The following GABRE variants were observed in gnomAD, a reference collection of about 807,000 sequenced individuals.
GABRE encodes gamma-aminobutyric acid receptor subunit epsilon.
Under a neutral mutation model 31.0 loss-of-function variants are expected in GABRE, and 20 were observed. The ratio of observed to expected loss-of-function variants is 0.64; its 90% CI spans 0.45 to 0.94. The LOEUF (loss-of-function observed/expected upper bound fraction) is 0.94, where lower values mean the gene tolerates loss of function less well. Ranked by LOEUF, GABRE falls within the 40% of genes least tolerant of loss-of-function variation. GABRE has a pLI of 0.00. For missense variants in GABRE, 420 were observed against 410.7 expected (o/e 1.02, Z -0.20); for synonymous variants, 155 against 150.6 (o/e 1.03, Z -0.21).
At position 151,955,855 on chromosome X, in the gene GABRE, A is replaced by T. The variant is rs768399958; in HGVS notation, c.790T>A (p.Phe264Ile). The part of the protein sequence containing the change: ...TEIITTPVGD[F>I]MVMTIFFNVS... ...TTGAAGAAAATCGTCATGACCATGA[A>T]GTCACCTGAAAGACACAAAAAACAT... Residue 264 changes from phenylalanine (F) to isoleucine (I), a missense_variant, in exon 7 of 9, where the codon TTC (phenylalanine) becomes ATC (isoleucine). Phe to Ile is a conservative substitution (Grantham distance 21). Coordinates refer to ENST00000370328, the MANE Select transcript of GABRE (RefSeq NM_004961.4). The T allele has an allele frequency of 2.5e-6, 3 of 1,211,906 alleles. No individual in the cohort carries two copies. The highest frequency in any genetic ancestry group is 3.4e-6 in the Non-Finnish European group (3 of 895,422).
Position 151,954,691 on chromosome X carries a change from C to T in GABRE, c.*10G>A. 1 of 1,175,123 alleles carries T rather than the reference C, an allele frequency of 8.5e-7. No individual in the cohort carries two copies. Among genetic ancestry groups the T allele is most frequent in the African/African-American group, 1.8e-5 (1 of 56,722 alleles). ...CTGGAGAGGTTGCCCCACAGGGTAC[C>T]AGCTGGTACCTACAAGTTAAGGCAA... is the stretch of plus-strand genomic sequence containing the variant. On this transcript the variant is annotated 3_prime_UTR_variant, in exon 9 of 9. Transcript: ENST00000370328.
At chrX:151,973,954 GGGAACC>G (rs1934806451) in intron 1 of GABRE, among the ~76,000 whole-genome samples, 1 of 111,131 alleles carries the variant, frequency 9.0e-6, no homozygotes, top group Non-Finnish European at 1.9e-5. Context: ...TAGCTGGTGC[GGGAACC>G]CTTAGACTAA....
In GABRE at chrX:151,970,342, G is replaced by A. The variant is rs751804096; in HGVS notation, c.117C>T (p.Gly39=). ...GATTTTCCAGAGGCTGGGGCTGGGG[G>A]CCATAGACAACATCACGGGAAGAGG... is the stretch of plus-strand genomic sequence containing the variant. ...NEASSRDVVY[G]PQPQPLENQL... The change falls in exon 2 of 9, where the codon GGC becomes GGT. Residue 39 remains glycine (G), a synonymous_variant. Transcript: ENST00000370328. 4 of 1,211,506 alleles carry A rather than the reference G, an allele frequency of 3.3e-6. No individual in the cohort carries two copies. Among genetic ancestry groups the A allele is most frequent in the Non-Finnish European group, 4.5e-6 (4 of 895,409 alleles).
chrX:151,959,886 T>C lies in GABRE; in HGVS notation c.737A>G (p.Asp246Gly). ...EKNSWKLFQF[D>G]FTGVSNKTEI... ...AGTTTTGTTGCTCACTCCTGTAAAA[T>C]CAAACTGGAAGAGCTTCCAGGAGTT... The change falls in exon 6 of 9, where the codon GAT (aspartate) becomes GGT (glycine). Residue 246 changes from aspartate (D) to glycine (G), a missense_variant. Physicochemically the swap from Asp to Gly is moderately conservative, Grantham distance 94 (BLOSUM62 -1). Coordinates refer to ENST00000370328, the MANE Select transcript of GABRE (RefSeq NM_004961.4). The C allele has an allele frequency of 8.3e-7, 1 of 1,210,705 alleles. No individual in the cohort carries two copies. The highest frequency in any genetic ancestry group is 1.8e-5 in the South Asian group (1 of 56,928).
intron 4 of GABRE, among the ~76,000 whole-genome samples, chrX:151,961,707 G>C (rs895527172): frequency 1.8e-5 from 2 of 111,478 alleles, no homozygotes; most frequent in Non-Finnish European, 3.8e-5. Flanking sequence ...TGATCTGCCT[G>C]CCTCAGCCTC....
At chrX:151,955,661 C>T in intron 7 of GABRE, 47 bp downstream of exon 7, 2 of 1,207,113 alleles carry the variant, frequency 1.7e-6, no homozygotes, top group Non-Finnish European at 2.2e-6. Context: ...CCTGGCCCAG[C>T]CAACTCCCAG....
At chrX:151,972,137 G>T in intron 1 of GABRE, 1 of 752,835 alleles carries the variant, frequency 1.3e-6, no homozygotes, top group Non-Finnish European at 1.6e-6. Context: ...CGGACCAAGG[G>T]ACTGCCAACT....
chrX:151,968,153 A>T (rs935337080), intron 3 of GABRE, among the ~76,000 whole-genome samples: 3 of 112,565 alleles, frequency 2.7e-5, no homozygotes, highest in Non-Finnish European at 5.6e-5. Context: ...AGACCTCCAG[A>T]CCACAGCCAG....
chrX:151,954,786 C>A lies in GABRE; in HGVS notation c.1436G>T (p.Arg479Leu), dbSNP rs150104349. Residue 479 changes from arginine to leucine, a missense_variant, in exon 9 of 9, where the codon CGC becomes CTC. Arg to Leu is a moderately radical substitution (Grantham distance 102, BLOSUM62 -2). Coordinates refer to ENST00000370328, the MANE Select transcript of GABRE (RefSeq NM_004961.4). ...QQGRLCIHVY[R>L]LDNYSRVVFP... ...AACAACTCTCGAGTAGTTATCCAGG[C>A]GGTAGACATGGATGCAGAGGCGGCC... is the stretch of plus-strand genomic sequence containing the variant. The A allele has an allele frequency of 7.4e-5, 90 of 1,209,405 alleles. 1 individual carries two copies. In the African/African-American group the frequency reaches 1.4e-3, roughly 19 times the overall value.
chrX:151,963,367 GATTGC>G (rs1444689861), intron 3 of GABRE, among the ~76,000 whole-genome samples: 1 of 112,237 alleles, frequency 8.9e-6, no homozygotes, highest in African/African-American at 3.2e-5. Context: ...GATCTGCAAG[GATTGC>G]ACAGTCAACT....
At chrX:151,956,644 C>A (rs1006035583) in intron 6 of GABRE, 1 of 112,112 alleles carries the variant, frequency 8.9e-6, no homozygotes, top group African/African-American at 3.2e-5. Context: ...GTCTATGACC[C>A]CTAACCCAAA....
chrX:151,954,543 G>A lies in GABRE; in HGVS notation c.*158C>T, dbSNP rs1934072619. ...ATGGGCCAGGTAGGGGAGAGGGGCA[G>A]CAAAGACAAACCCTCTGCAAGCTTC... On this transcript the variant is annotated 3_prime_UTR_variant, in exon 9 of 9. Transcript: ENST00000370328. 2.2e-6 allele frequency: 1 copy of A among 449,070 alleles called. No homozygotes were observed. Among genetic ancestry groups the A allele is most frequent in the East Asian group, 3.8e-5 (1 of 26,249 alleles). 37.0% of individuals were successfully genotyped at this position (449,070 alleles called of 1,213,427 possible).
At chrX:151,971,213 T>C in intron 1 of GABRE, 1 of 505,204 alleles carries the variant, frequency 2.0e-6, no homozygotes, top group Admixed American at 3.2e-5. Flanking sequence ...GAGGTCCTGC[T>C]CACATTCGGG....
At chrX:151,969,109 C>G (rs1354283916) in intron 3 of GABRE, among the ~76,000 whole-genome samples, 1 of 112,082 alleles carries the variant, frequency 8.9e-6, no homozygotes, top group Non-Finnish European at 1.9e-5. Flanking sequence ...CACGTGGTCT[C>G]TAAAAGGGTG....
intron 5 of GABRE, 113 bp downstream of exon 5, chrX:151,961,170 C>A: frequency 1.9e-6 from 1 of 535,488 alleles, no homozygotes; most frequent in Non-Finnish European, 3.2e-6. Flanking sequence ...CCTGCACAAC[C>A]TTGGCAGCAT....
intron 4 of GABRE, 131 bp from the exon 5 acceptor site, chrX:151,961,496 C>T: frequency 2.2e-6 from 1 of 461,290 alleles, no homozygotes. Flanking sequence ...GACAGAGTCT[C>T]ACTCTGTCAC....
intron 3 of GABRE, among the ~76,000 whole-genome samples, chrX:151,963,233 A>G (rs373146035): frequency 8.9e-6 from 1 of 112,293 alleles, no homozygotes. Context: ...AATCAGAGCC[A>G]ACATTGAATC....
chrX:151,956,109 C>T (rs1934160594), intron 6 of GABRE: 1 of 365,256 alleles, frequency 2.7e-6, no homozygotes, highest in Non-Finnish European at 4.7e-6. Context: ...GTTCACTGTC[C>T]TACACCCAAT....
chrX:151,957,754 T>G (rs1444350362), intron 6 of GABRE: 1 of 220,716 alleles, frequency 4.5e-6, no homozygotes, highest in African/African-American at 2.9e-5. Context: ...CTGGGGCTGA[T>G]GAACCAAAGC....
Sources: allele counts gnomAD v4.1 joint callset (sites outside exome capture counted in the v4.1 genomes callset), GRCh38; gene constraint gnomAD v4.1.1; transcripts MANE v1.5; gene names NCBI Gene and HGNC (gene_info 2026-07-23, HGNC 2026-07-21).